PIAS4: variants seen among roughly 807,000 people sequenced by gnomAD.
PIAS4 encodes the protein protein inhibitor of activated STAT 4, also known as E3 SUMO-protein ligase PIAS4.
PIAS4 carries 7 observed loss-of-function variants against 58.0 expected under a neutral mutation model. That is an observed-to-expected ratio of 0.12 (90% confidence interval 0.07 to 0.23). The LOEUF (loss-of-function observed/expected upper bound fraction) is 0.23, where lower values mean the gene tolerates loss of function less well. Among genes scored for constraint, PIAS4 ranks in the 10% least tolerant of loss-of-function variants. The probability of loss-of-function intolerance (pLI) is 1.00; values close to 1 mark genes in which losing one functional copy is unlikely to be tolerated. For missense variants in PIAS4, 550 were observed against 709.5 expected (o/e 0.78, Z 2.55); for synonymous variants, 364 against 312.4 (o/e 1.17, Z -1.74).
intron 3 of PIAS4, among the ~76,000 whole-genome samples, chr19:4,026,021 C>T (rs1365698692): frequency 7.2e-6 from 1 of 139,716 alleles, no homozygotes; most frequent in African/African-American, 2.9e-5. Context: ...TTGCAGTGAG[C>T]CGAGATCCTG....
At chr19:4,017,434 C>T (rs2040063407) in intron 2 of PIAS4, among the ~76,000 whole-genome samples, 1 of 152,186 alleles carries the variant, frequency 6.6e-6, no homozygotes, top group Admixed American at 6.5e-5. Flanking sequence ...GGCATCACCC[C>T]TGTGCCTAGC....
Position 4,012,115 on chromosome 19 carries a change from C to T in PIAS4, c.28-808C>T, listed in dbSNP as rs554855842. Among the ~76,000 whole-genome samples, 7 of 151,826 alleles carry T rather than the reference C, an allele frequency of 4.6e-5. 1 individual carries two copies. The South Asian group carries it at 1.5e-3, about 32-fold the overall frequency. Reference sequence around the variant, plus strand: ...TGAGCTGTGGGTATTTAGCACCACACAGAGCCCAGGATGGCCCCAGTGTCC... The same window carrying T: ...TGAGCTGTGGGTATTTAGCACCACATAGAGCCCAGGATGGCCCCAGTGTCC... On this transcript the variant is annotated intron_variant, in intron 1 of 10. Transcript: ENST00000262971.
intron 2 of PIAS4, among the ~76,000 whole-genome samples, chr19:4,022,299 C>T (rs900511869): frequency 1.3e-5 from 2 of 152,078 alleles, no homozygotes; most frequent in African/African-American, 4.8e-5. Context: ...TGTGTTCTCA[C>T]TGTCTTTTTG....
At chr19:4,020,303 C>T (rs1052615938) in intron 2 of PIAS4, among the ~76,000 whole-genome samples, 1 of 152,140 alleles carries the variant, frequency 6.6e-6, no homozygotes, top group African/African-American at 2.4e-5. Flanking sequence ...AAGGCCCTGT[C>T]GTGGGTGCAG....
chr19:4,033,066 C>A, intron 7 of PIAS4, 34 bp from the exon 8 acceptor site: 1 of 1,581,622 alleles, frequency 6.3e-7, no homozygotes, highest in Non-Finnish European at 8.7e-7. Flanking sequence ...CTGTTCCCAC[C>A]CTCCTGACGG....
intron 3 of PIAS4, among the ~76,000 whole-genome samples, chr19:4,024,858 T>C (rs1454893576): frequency 6.6e-6 from 1 of 152,100 alleles, no homozygotes; most frequent in Admixed American, 6.5e-5. Context: ...CTCCACCTGC[T>C]GGATTCAAGC....
At chr19:4,027,057 A>G (rs369688808) in intron 3 of PIAS4, among the ~76,000 whole-genome samples, 44 of 151,376 alleles carry the variant, frequency 2.9e-4, no homozygotes, top group African/African-American at 1.1e-3. Context: ...TTTCACCATG[A>G]TAGCCAGGAG....
At chr19:4,014,134 C>CG (rs1374321212) in intron 2 of PIAS4, among the ~76,000 whole-genome samples, 1 of 152,210 alleles carries the variant, frequency 6.6e-6, no homozygotes, top group African/African-American at 2.4e-5. Context: ...CACTGCCAGG[C>CG]TGTGTGCACC....
intron 2 of PIAS4, among the ~76,000 whole-genome samples, chr19:4,023,620 G>A (rs763612626): frequency 2.6e-5 from 4 of 152,198 alleles, no homozygotes; most frequent in Non-Finnish European, 4.4e-5. Context: ...TCCGGGTGAC[G>A]TGGCCACCCT....
rs113938534 is a variant in PIAS4 at position 4,028,355 on chromosome 19, C to T, written c.582-155C>T. On this transcript the variant is annotated intron_variant, in intron 4 of 10. Coordinates refer to ENST00000262971, the MANE Select transcript of PIAS4 (RefSeq NM_015897.4). Reference sequence around the variant, plus strand: ...CTGGGGATACATCACCATCCGACCCCCACTCAGGCCACACCCGGGGGCCCT... The same window carrying T: ...CTGGGGATACATCACCATCCGACCCTCACTCAGGCCACACCCGGGGGCCCT... 109 of 779,096 alleles carry T rather than the reference C, an allele frequency of 1.4e-4. No individual in the cohort carries two copies. In the African/African-American group the frequency reaches 1.6e-3, roughly 11 times the overall value. 48.3% of individuals were successfully genotyped at this position (779,096 alleles called of 1,614,324 possible). A position where few individuals can be genotyped will look rare whatever the true frequency, so the allele number is the denominator to read the frequency against.
intron 8 of PIAS4, 84 bp from the exon 9 acceptor site, chr19:4,033,336 A>T: frequency 7.2e-7 from 1 of 1,388,466 alleles, no homozygotes; most frequent in Non-Finnish European, 9.8e-7. Flanking sequence ...GGAGCGAGCC[A>T]CAGGATGGAG....
At position 4,037,075 on chromosome 19, in the gene PIAS4, C is replaced by T. The variant is rs1408158255; in HGVS notation, c.1143-299C>T. 6.6e-6 allele frequency among the ~76,000 whole-genome samples: 1 copy of T among 151,722 alleles called. No homozygotes were observed. The highest frequency in any genetic ancestry group is 1.5e-5 in the Non-Finnish European group (1 of 68,036). ...CAGAGGGGCAGGGTGGGGAGGACCCCTGCAGCTGCCACACTCCCTGCTCTT... is the reference window on the plus strand; with the variant it reads ...CAGAGGGGCAGGGTGGGGAGGACCCTTGCAGCTGCCACACTCCCTGCTCTT... On this transcript the variant is annotated intron_variant, in intron 9 of 10. Coordinates refer to ENST00000262971, the MANE Select transcript of PIAS4 (RefSeq NM_015897.4). This position sits in a 1 kb window ranked among gnomAD's most constrained non-coding sequence, Gnocchi z 5.8.
rs1172331358 is a variant in PIAS4, at chr19:4,028,503, GT to G, written c.582-5del. 6.2e-7 allele frequency: 1 copy of G among 1,610,024 alleles called. No individual in the cohort carries two copies. The highest frequency in any genetic ancestry group is 8.5e-7 in the Non-Finnish European group (1 of 1,178,040). ...TCCCCGCCCCATGGTCCCTGTTGTC[GT>G]TGCAGAATCTGTTACTCAGACACCA... is the stretch of plus-strand genomic sequence containing the variant. On this transcript the variant is annotated splice_polypyrimidine_tract_variant and splice_region_variant and intron_variant, in intron 4 of 10. Transcript: ENST00000262971.
chr19:4,013,681 G>A lies in PIAS4; in HGVS notation c.454+332G>A, dbSNP rs2040023367. ...CAGGCTGGAGCCACCTCATCTGGAGGCTCGACCAGGGCTGGAGCAGGCACA... is the reference window on the plus strand; with the variant it reads ...CAGGCTGGAGCCACCTCATCTGGAGACTCGACCAGGGCTGGAGCAGGCACA... On this transcript the variant is annotated intron_variant, in intron 2 of 10. Transcript: ENST00000262971. This position sits in a 1 kb window ranked among gnomAD's most constrained non-coding sequence, Gnocchi z 5.1. Among the ~76,000 whole-genome samples the A allele has an allele frequency of 6.6e-6, 1 of 152,134 alleles. No individual in the cohort carries two copies. Among genetic ancestry groups the A allele is most frequent in the South Asian group, 2.1e-4 (1 of 4,820 alleles).
At chr19:4,025,990 C>T (rs1490525352) in intron 3 of PIAS4, among the ~76,000 whole-genome samples, 3 of 140,992 alleles carry the variant, frequency 2.1e-5, no homozygotes, top group Admixed American at 7.2e-5. Flanking sequence ...AGGAGAATGG[C>T]GTGAACCCGG....
chr19:4,023,203 G>T (rs1182523485), intron 2 of PIAS4, among the ~76,000 whole-genome samples: 3 of 150,928 alleles, frequency 2.0e-5, no homozygotes, highest in African/African-American at 7.3e-5. Context: ...GGCTGGCTGG[G>T]CACAGTGGCT....
Position 4,038,873 on chromosome 19 carries a change from C to G in PIAS4, c.*998C>G, listed in dbSNP as rs548592564. ...TTTTCCGACGGGTACGAGGCTGGCC[C>G]GGCACCCTGTCCCCCGGGAGCCTCA... is the stretch of plus-strand genomic sequence containing the variant. On this transcript the variant is annotated 3_prime_UTR_variant, in exon 11 of 11. Transcript: ENST00000262971. The surrounding 1 kb of genome is among the most constrained non-coding windows in gnomAD (Gnocchi z 4.1). 1 of 152,528 alleles carries G rather than the reference C, an allele frequency of 6.6e-6. No individual in the cohort carries two copies. Among genetic ancestry groups the G allele is most frequent in the South Asian group, 2.0e-4 (1 of 4,910 alleles). 9.4% of individuals were successfully genotyped at this position (152,528 alleles called of 1,614,324 possible).
At chr19:4,015,925 A>G (rs1599217736) in intron 2 of PIAS4, among the ~76,000 whole-genome samples, 2 of 152,184 alleles carry the variant, frequency 1.3e-5, no homozygotes, top group Admixed American at 1.3e-4. Flanking sequence ...GCCACAGAGC[A>G]GGCTGCAGGG....
chr19:4,025,245 C>T lies in PIAS4; in HGVS notation c.539+1125C>T, dbSNP rs762652225. ...CCCTAACTCTGACAACCACAGATGT[C>T]CCCAGACACAGCTCGGTGTCGCCTG... On this transcript the variant is annotated intron_variant, in intron 3 of 10. Coordinates refer to ENST00000262971, the MANE Select transcript of PIAS4 (RefSeq NM_015897.4). 6.4e-4 allele frequency among the ~76,000 whole-genome samples: 98 copies of T among 152,296 alleles called. No homozygotes were observed. In the Middle Eastern group the frequency reaches 0.01, roughly 16 times the overall value.
Sources: allele counts gnomAD v4.1 joint callset (sites outside exome capture counted in the v4.1 genomes callset), GRCh38; gene constraint gnomAD v4.1.1; non-coding constraint Gnocchi (gnomAD v3.1); transcripts MANE v1.5; gene names NCBI Gene and HGNC (gene_info 2026-07-23, HGNC 2026-07-21).